The following BCS1L variants were observed in gnomAD, a reference collection of about 807,000 sequenced individuals.
BCS1L encodes the protein BCS1 ubiquinol-cytochrome c reductase complex chaperone.
Under a neutral mutation model 49.3 loss-of-function variants are expected in BCS1L, and 38 were observed. That is an observed-to-expected ratio of 0.77 (90% confidence interval 0.59 to 1.01). The LOEUF is 1.01. Among genes scored for constraint, BCS1L ranks in the 50% least tolerant of loss-of-function variants. The pLI is 0.00. For synonymous variants in BCS1L, 193 were observed against 210.1 expected (o/e 0.92, Z 0.70); for missense variants, 394 against 540.2 (o/e 0.73, Z 2.68).
At chr2:218,663,021 C>T (rs369467055) in intron 7 of BCS1L, 21 bp downstream of exon 7, 194 of 1,613,850 alleles carry the variant, frequency 1.2e-4, no homozygotes, top group Non-Finnish European at 1.5e-4. Flanking sequence ...GCCAGGCATC[C>T]TGAGACTTAG....
At chr2:218,658,749 C>G (rs1251768188), upstream of BCS1L, 1 of 152,188 alleles carries the variant, frequency 6.6e-6, no homozygotes, top group Non-Finnish European at 1.5e-5. Flanking sequence ...CCATACATGG[C>G]CTCCGGGGGG....
rs1424893649 is a variant in BCS1L, at chr2:218,661,790, G to A, written c.492G>A (p.Gly164=). 1 of 1,610,446 alleles carries A rather than the reference G, an allele frequency of 6.2e-7. No individual in the cohort carries two copies. The part of the protein sequence containing the change: ...ARELALQQEE[G]KTVMYTAVGS... The stretch of plus-strand genomic sequence containing the variant: ...AGCTAGCCTTGCAGCAGGAGGAAGG[G>A]AAGACCGTGATGTACACAGCTGTGG... Residue 164 remains glycine, a synonymous_variant, in exon 4 of 8, where the codon GGG becomes GGA. Transcript: ENST00000359273. This position sits in a 1 kb window ranked among gnomAD's most constrained non-coding sequence, Gnocchi z 5.9.
Position 218,661,916 on chromosome 2 carries a change from G to T in BCS1L, c.618G>T (p.Gln206His). The T allele has an allele frequency of 6.2e-7, 1 of 1,614,146 alleles. No individual in the cohort carries two copies. Among genetic ancestry groups the T allele is most frequent in the East Asian group, 2.2e-5 (1 of 44,876 alleles). The change falls in exon 4 of 8, where the codon CAG becomes CAT. Residue 206 changes from glutamine (Q) to histidine (H), a missense_variant. Transcript: ENST00000359273. The surrounding 1 kb of genome is among the most constrained non-coding windows in gnomAD (Gnocchi z 5.9). ...GLADRIVRDV[Q>H]EFIDNPKWYT... ...CTGACCGAATTGTCAGAGACGTCCA[G>T]GAATTCATCGATAACCCCAAGTGGT...
chr2:218,660,891 A>G, intron 1 of BCS1L, 48 bp from the exon 2 acceptor site: 2 of 1,421,532 alleles, frequency 1.4e-6, no homozygotes, highest in Non-Finnish European at 9.8e-7. Context: ...GGGGAGGTCC[A>G]ATTTCTAATC....
At position 218,662,666 on chromosome 2, in the gene BCS1L, C is replaced by T. The variant is rs756477155; in HGVS notation, c.876C>T (p.Asp292=). 6.8e-6 allele frequency: 11 copies of T among 1,614,106 alleles called. No individual in the cohort carries two copies. The highest frequency in any genetic ancestry group is 9.3e-6 in the Non-Finnish European group (11 of 1,180,032). The change falls in exon 6 of 8, where the codon GAC becomes GAT. Residue 292 remains aspartate, a synonymous_variant. Transcript: ENST00000359273. The surrounding 1 kb of genome is among the most constrained non-coding windows in gnomAD (Gnocchi z 5.8). ...EDVDAAFLSR[D]LAVENPVKYQ... ...TGGATGCTGCTTTTCTCAGTCGAGA[C>T]TTGGCTGTGGAGAGTAAGTGAGGGG...
rs758285505 is a variant in BCS1L, at chr2:218,663,205, A to G, written c.1079A>G (p.Gln360Arg). 6.2e-7 allele frequency: 1 copy of G among 1,614,234 alleles called. No individual in the cohort carries two copies. The highest frequency in any genetic ancestry group is 1.1e-5 in the South Asian group (1 of 91,086). Residue 360 changes from glutamine to arginine, a missense_variant, in exon 8 of 8, where the codon CAG becomes CGG. By Grantham distance (43) the Gln-to-Arg change is conservative (BLOSUM62 1). Transcript: ENST00000359273. ...TACGTGGGCTACTGCTCACACTGGC[A>G]GCTGACCCAGATGTTCCAGAGGTTC... ...KEYVGYCSHW[Q>R]LTQMFQRFYP...
Position 218,660,964 on chromosome 2 carries a change from A to T in BCS1L, c.-24A>T, listed in dbSNP as rs1279016082. The T allele has an allele frequency of 1.9e-6, 3 of 1,612,440 alleles. No homozygotes were observed. Among genetic ancestry groups the T allele is most frequent in the Non-Finnish European group, 2.5e-6 (3 of 1,179,618 alleles). On this transcript the variant is annotated 5_prime_UTR_variant, in exon 2 of 8. Transcript: ENST00000359273. Reference sequence around the variant, plus strand: ...GTTTTCGTAACACCCCAGGGCCTGTAAGGTTTGGTGTTTCCCTTTCAAGAT... The same window carrying T: ...GTTTTCGTAACACCCCAGGGCCTGTTAGGTTTGGTGTTTCCCTTTCAAGAT...
At position 218,661,750 on chromosome 2, in the gene BCS1L, C is replaced by T. The variant is rs780651750; in HGVS notation, c.461-9C>T. 3.9e-5 allele frequency: 62 copies of T among 1,608,120 alleles called. No homozygotes were observed. The African/African-American group carries it at 6.5e-4, about 17-fold the overall frequency. Reference sequence around the variant, plus strand: ...AATTATTGGCTTTATCTCATCTTCTCCTTCCCAGCTCGAGAGCTAGCCTTG... The same window carrying T: ...AATTATTGGCTTTATCTCATCTTCTTCTTCCCAGCTCGAGAGCTAGCCTTG... On this transcript the variant is annotated splice_polypyrimidine_tract_variant and intron_variant, in intron 3 of 7. Coordinates refer to ENST00000359273, the MANE Select transcript of BCS1L (RefSeq NM_001079866.2). The surrounding 1 kb of genome is among the most constrained non-coding windows in gnomAD (Gnocchi z 5.9).
At position 218,662,155 on chromosome 2, in the gene BCS1L, T is replaced by C. The variant is rs1272299885; in HGVS notation, c.656-42T>C. 5.0e-6 allele frequency: 8 copies of C among 1,596,044 alleles called. No homozygotes were observed. The highest frequency in any genetic ancestry group is 5.2e-6 in the Non-Finnish European group (6 of 1,163,640). On this transcript the variant is annotated intron_variant, in intron 4 of 7. Transcript: ENST00000359273. This position sits in a 1 kb window ranked among gnomAD's most constrained non-coding sequence, Gnocchi z 5.8. ...GGGCAGGGCTGGGAATGAACGTAGA[T>C]ATCCGGGGCAAAAGACATGATCATC...
In BCS1L at chr2:218,662,409, A is replaced by G; in HGVS notation, c.720-101A>G. The G allele has an allele frequency of 6.5e-7, 1 of 1,536,186 alleles. No homozygotes were observed. On this transcript the variant is annotated intron_variant, in intron 5 of 7. Coordinates refer to ENST00000359273, the MANE Select transcript of BCS1L (RefSeq NM_001079866.2). This position sits in a 1 kb window ranked among gnomAD's most constrained non-coding sequence, Gnocchi z 5.8. ...AACATCAGGGTGTGAGGTAGAAGTCAGGCCTCTGAGACACATGTCCCCAGG... is the reference window on the plus strand; with the variant it reads ...AACATCAGGGTGTGAGGTAGAAGTCGGGCCTCTGAGACACATGTCCCCAGG...
chr2:218,662,000 G>T lies in BCS1L; in HGVS notation c.655+47G>T. The T allele has an allele frequency of 6.3e-7, 1 of 1,596,006 alleles. No homozygotes were observed. The highest frequency in any genetic ancestry group is 8.6e-7 in the Non-Finnish European group (1 of 1,166,084). ...GGCTGTGCTGTTTTTGACATTTTTA[G>T]AAGGGACAGGTTGGTCTCCAGCCAG... On this transcript the variant is annotated intron_variant, in intron 4 of 7. Coordinates refer to ENST00000359273, the MANE Select transcript of BCS1L (RefSeq NM_001079866.2). This position sits in a 1 kb window ranked among gnomAD's most constrained non-coding sequence, Gnocchi z 5.9.
In BCS1L at chr2:218,662,148, A is replaced by G; in HGVS notation, c.656-49A>G. The stretch of plus-strand genomic sequence containing the variant: ...TTCCAGGGGGCAGGGCTGGGAATGA[A>G]CGTAGATATCCGGGGCAAAAGACAT... On this transcript the variant is annotated intron_variant, in intron 4 of 7. Coordinates refer to ENST00000359273, the MANE Select transcript of BCS1L (RefSeq NM_001079866.2). The surrounding 1 kb of genome is among the most constrained non-coding windows in gnomAD (Gnocchi z 5.8). The G allele has an allele frequency of 6.3e-7, 1 of 1,585,628 alleles. No individual in the cohort carries two copies. The highest frequency in any genetic ancestry group is 1.3e-5 in the African/African-American group (1 of 74,324).
rs1221325194 is a variant in BCS1L, at chr2:218,661,278, T to G, written c.291T>G (p.Phe97Leu). ...ESGRISTKFE[F>L]VPSPGNHFIW... ...GCCGCATTTCCACTAAGTTTGAATT[T>G]GTCCCCAGCCCTGGAAACCATTTTA... The change falls in exon 2 of 8, where the codon TTT becomes TTG. Residue 97 changes from phenylalanine to leucine, a missense_variant. Phe to Leu is a conservative substitution (Grantham distance 22). Coordinates refer to ENST00000359273, the MANE Select transcript of BCS1L (RefSeq NM_001079866.2). This position sits in a 1 kb window ranked among gnomAD's most constrained non-coding sequence, Gnocchi z 5.9. 1 of 1,614,220 alleles carries G rather than the reference T, an allele frequency of 6.2e-7. No homozygotes were observed. Among genetic ancestry groups the G allele is most frequent in the Non-Finnish European group, 8.5e-7 (1 of 1,180,044 alleles).
Position 218,663,282 on chromosome 2 carries a change from C to T in BCS1L, c.1156C>T (p.Arg386Ter). Residue 386 changes from arginine (R) to a stop codon, truncating the protein, a stop_gained, in exon 8 of 8, where the codon CGA (arginine) becomes TGA (stop). Coordinates refer to ENST00000359273, the MANE Select transcript of BCS1L (RefSeq NM_001079866.2). LOFTEE classifies it high-confidence loss of function. ...LAENFAEHVL[R>*]ATNQISPAQV... ...TGAGAACTTTGCAGAACATGTCCTT[C>T]GAGCTACAAACCAGATCAGTCCTGC... The T allele has an allele frequency of 1.2e-6, 2 of 1,614,206 alleles. No homozygotes were observed. Among genetic ancestry groups the T allele is most frequent in the Non-Finnish European group, 8.5e-7 (1 of 1,180,034 alleles).
chr2:218,660,708 G>C (rs1939274390), intron 1 of BCS1L: 1 of 442,284 alleles, frequency 2.3e-6, no homozygotes, highest in African/African-American at 2.0e-5. Context: ...GCTCTTTTTG[G>C]TTTAAGGCAT....
Position 218,663,423 on chromosome 2 carries a change from C to A in BCS1L, c.*37C>A. The A allele has an allele frequency of 6.2e-7, 1 of 1,612,566 alleles. No homozygotes were observed. The highest frequency in any genetic ancestry group is 1.1e-5 in the South Asian group (1 of 90,880). On this transcript the variant is annotated 3_prime_UTR_variant, in exon 8 of 8. Coordinates refer to ENST00000359273, the MANE Select transcript of BCS1L (RefSeq NM_001079866.2). ...TCAGCTCAGCTCTCCTCCTCTAGCT[C>A]AATAAACATCTGCCACACTACTCTG...
rs542467112 is a variant in BCS1L at position 218,661,636 on chromosome 2, A to G, written c.460+91A>G. The G allele has an allele frequency of 6.3e-6, 10 of 1,587,606 alleles. 2 individuals are homozygous for G. In the South Asian group the frequency reaches 1.1e-4, roughly 18 times the overall value. ...AGCAGTTTGGAGAAGTGGAATAAGC[A>G]GGCCGGGGTGAGCCCATGGGAACAG... On this transcript the variant is annotated intron_variant, in intron 3 of 7. Transcript: ENST00000359273. The surrounding 1 kb of genome is among the most constrained non-coding windows in gnomAD (Gnocchi z 5.9).
rs1053496823 is a variant in BCS1L at position 218,663,120 on chromosome 2, C to T, written c.1008-14C>T. The T allele has an allele frequency of 6.2e-7, 1 of 1,614,196 alleles. No individual in the cohort carries two copies. Among genetic ancestry groups the T allele is most frequent in the Non-Finnish European group, 8.5e-7 (1 of 1,180,036 alleles). ...TGGGTGCTAGTGTGACCTGCTTTCC[C>T]TGTCTTCTCTCAGGCTGGACCCTGC... On this transcript the variant is annotated splice_polypyrimidine_tract_variant and intron_variant, in intron 7 of 7. Transcript: ENST00000359273.
At position 218,661,758 on chromosome 2, in the gene BCS1L, G is replaced by A. The variant is rs1939476208; in HGVS notation, c.461-1G>A. 6.2e-7 allele frequency: 1 copy of A among 1,608,838 alleles called. No homozygotes were observed. Among genetic ancestry groups the A allele is most frequent in the Non-Finnish European group, 8.5e-7 (1 of 1,175,878 alleles). The stretch of plus-strand genomic sequence containing the variant: ...GCTTTATCTCATCTTCTCCTTCCCA[G>A]CTCGAGAGCTAGCCTTGCAGCAGGA... On this transcript the variant is annotated splice_acceptor_variant, in intron 3 of 7. Transcript: ENST00000359273. LOFTEE classifies it high-confidence loss of function. This position sits in a 1 kb window ranked among gnomAD's most constrained non-coding sequence, Gnocchi z 5.9.
Sources: allele counts gnomAD v4.1 joint callset, GRCh38; gene constraint gnomAD v4.1.1; non-coding constraint Gnocchi (gnomAD v3.1); transcripts MANE v1.5; gene names NCBI Gene and HGNC (gene_info 2026-07-23, HGNC 2026-07-21).